The following RARB variants were observed in gnomAD, a reference collection of about 807,000 sequenced individuals.
RARB encodes the protein HBV-activated protein.
RARB carries 17 observed loss-of-function variants against 51.9 expected under a neutral mutation model. The ratio of observed to expected loss-of-function variants is 0.33; its 90% CI spans 0.22 to 0.49. The LOEUF (loss-of-function observed/expected upper bound fraction) is 0.49. Ranked by LOEUF, RARB falls within the 20% of genes least tolerant of loss-of-function variation. RARB has a pLI of 0.99. For missense variants in RARB, 369 were observed against 550.8 expected (o/e 0.67, Z 3.30); for synonymous variants, 215 against 195.4 (o/e 1.10, Z -0.84).
At chr3:25,060,138 C>G (rs1366878996) in exon 3 of RARB, 1 of 151,652 alleles carries the variant, frequency 6.6e-6, no homozygotes, top group Non-Finnish European at 1.5e-5. Flanking sequence ...AAACAGAGTA[C>G]TGCAGAGATG....
rs10525876 is a variant in RARB, at chr3:25,513,661, T to TACACACAC, written c.448+12356_448+12363dup. Among the ~76,000 whole-genome samples, 109 of 145,196 alleles carry TACACACAC rather than the reference T, an allele frequency of 7.5e-4. 1 individual carries two copies. Among genetic ancestry groups the TACACACAC allele is most frequent in the Middle Eastern group, 3.4e-3 (1 of 290 alleles). ...ACAGAGATTTACTTTCTCTCAAAACTACACACACACACACACACACACACA... is the reference window on the plus strand; with the variant it reads ...ACAGAGATTTACTTTCTCTCAAAACTACACACACACACACACACACACACACACACACA... On this transcript the variant is annotated intron_variant, in intron 3 of 7. Transcript: ENST00000330688.
intron 5 of RARB, among the ~76,000 whole-genome samples, chr3:25,186,437 A>G (rs1022076668): frequency 2.0e-5 from 3 of 152,108 alleles, no homozygotes; most frequent in East Asian, 3.9e-4. Context: ...AAACAATTTT[A>G]CCTCTATGTA....
chr3:24,902,694 A>G (rs1245769311), intron 2 of RARB, among the ~76,000 whole-genome samples: 1 of 152,144 alleles, frequency 6.6e-6, no homozygotes, highest in Middle Eastern at 3.2e-3. Flanking sequence ...GAAGATTAAT[A>G]TGGTCATTAT....
intron 5 of RARB, among the ~76,000 whole-genome samples, chr3:25,280,383 G>C (rs322661): frequency 1 from 151,907 of 152,290 alleles, 75,764 homozygotes; most frequent in East Asian, 1. Flanking sequence ...GAGTGACTTT[G>C]CTGCTTCTGC....
At chr3:25,542,366 G>A (rs1411067509) in intron 3 of RARB, among the ~76,000 whole-genome samples, 2 of 152,222 alleles carry the variant, frequency 1.3e-5, no homozygotes, top group Non-Finnish European at 2.9e-5. Flanking sequence ...CCTGTAATAA[G>A]TGACTGGATT....
intron 2 of RARB, among the ~76,000 whole-genome samples, chr3:24,896,434 T>C (rs912995230): frequency 2.6e-5 from 4 of 152,106 alleles, no homozygotes; most frequent in African/African-American, 9.7e-5. Context: ...TAATTTTTTG[T>C]ATTTTTAGTA....
At chr3:24,866,028 G>C (rs976697916) in intron 2 of RARB, among the ~76,000 whole-genome samples, 2 of 152,076 alleles carry the variant, frequency 1.3e-5, no homozygotes, top group African/African-American at 4.8e-5. Flanking sequence ...ACCATCAAAA[G>C]TAAAACATTG....
chr3:25,485,873 G>T (rs555057973), intron 2 of RARB, among the ~76,000 whole-genome samples: 1 of 152,212 alleles, frequency 6.6e-6, no homozygotes, highest in Admixed American at 6.5e-5. Flanking sequence ...TAGATTCTGG[G>T]GATAATTGCT....
At chr3:25,198,822 C>G (rs1430969069) in intron 5 of RARB, among the ~76,000 whole-genome samples, 1 of 151,862 alleles carries the variant, frequency 6.6e-6, no homozygotes, top group Admixed American at 6.6e-5. Context: ...GAAAAGGGAC[C>G]CTCATACAGG....
chr3:24,903,010 A>T (rs1022618695), intron 2 of RARB, among the ~76,000 whole-genome samples: 9 of 152,192 alleles, frequency 5.9e-5, no homozygotes, highest in Non-Finnish European at 1.3e-4. Context: ...TAAGCTGAAG[A>T]GTAACAAGAA....
chr3:25,240,756 C>T (rs911829706), intron 5 of RARB, among the ~76,000 whole-genome samples: 2 of 152,022 alleles, frequency 1.3e-5, no homozygotes, highest in Admixed American at 6.6e-5. Context: ...AGGATTTTTG[C>T]GTCTGTGTCT....
At chr3:25,538,906 T>C (rs1265132973) in intron 3 of RARB, among the ~76,000 whole-genome samples, 1 of 152,212 alleles carries the variant, frequency 6.6e-6, no homozygotes, top group East Asian at 1.9e-4. Flanking sequence ...ATGTCACATT[T>C]TAGTTCCTCT....
chr3:25,219,841 C>T (rs1397198448), intron 5 of RARB, among the ~76,000 whole-genome samples: 1 of 152,138 alleles, frequency 6.6e-6, no homozygotes, highest in Non-Finnish European at 1.5e-5. Flanking sequence ...AGGTTTTTAA[C>T]TCATCCAAAG....
At chr3:25,418,618 A>G (rs115472212) in intron 5 of RARB, among the ~76,000 whole-genome samples, 11,481 of 152,154 alleles carry the variant, frequency 0.075, 518 homozygotes, top group Middle Eastern at 0.12. Flanking sequence ...GAAAGAAAAA[A>G]AAAAATGACA....
intron 4 of RARB, among the ~76,000 whole-genome samples, chr3:25,574,599 G>T (rs112158722): frequency 3.8e-4 from 58 of 152,336 alleles, no homozygotes; most frequent in African/African-American, 1.4e-3. Flanking sequence ...TCTGCCGTGT[G>T]CGGGCCGCTC....
chr3:25,528,040 C>G (rs1264347206), intron 3 of RARB, among the ~76,000 whole-genome samples: 1 of 152,144 alleles, frequency 6.6e-6, no homozygotes, highest in African/African-American at 2.4e-5. Context: ...AAATGCTTGC[C>G]AAACACTGAT....
At chr3:24,906,552 A>G (rs1694867890) in intron 2 of RARB, among the ~76,000 whole-genome samples, 1 of 152,170 alleles carries the variant, frequency 6.6e-6, no homozygotes, top group African/African-American at 2.4e-5. Context: ...CTATCTTTAA[A>G]GCTACGCTGG....
At chr3:25,496,467 C>T (rs1697039755) in intron 2 of RARB, among the ~76,000 whole-genome samples, 1 of 152,162 alleles carries the variant, frequency 6.6e-6, no homozygotes, top group African/African-American at 2.4e-5. Flanking sequence ...TCCTACTCCC[C>T]TGTCAGGGAG....
chr3:25,254,661 G>A (rs1053189132), intron 5 of RARB, among the ~76,000 whole-genome samples: 3 of 152,114 alleles, frequency 2.0e-5, no homozygotes, highest in Admixed American at 6.6e-5. Context: ...GGCCTTGTGG[G>A]TGTTGCAGTG....
Sources: allele counts gnomAD v4.1 joint callset (sites outside exome capture counted in the v4.1 genomes callset), GRCh38; gene constraint gnomAD v4.1.1; transcripts MANE v1.5; gene names NCBI Gene and HGNC (gene_info 2026-07-23, HGNC 2026-07-21).